PAPPA: variants seen among roughly 807,000 people sequenced by gnomAD.
PAPPA encodes the protein pappalysin-1.
Under a neutral mutation model 164.0 loss-of-function variants are expected in PAPPA, and 60 were observed. The ratio of observed to expected loss-of-function variants is 0.37; its 90% confidence interval spans 0.30 to 0.45. The LOEUF is 0.45. Among genes scored for constraint, PAPPA ranks in the 20% least tolerant of loss-of-function variants. The pLI, the probability that PAPPA is intolerant of heterozygous loss-of-function variation, is 1.00. For synonymous variants in PAPPA, 875 were observed against 814.1 expected (o/e 1.07, Z -1.27); for missense variants, 1,782 against 2,087.3 (o/e 0.85, Z 2.85).
rs1307658246 is a variant in PAPPA, at chr9:116,343,209, A to G, written c.3612-1334A>G. ...GCTCATGTATATAAGCAATCAGCAAATAGTAACTAATGTTATTGAGTGCTT... is the reference window on the plus strand; with the variant it reads ...GCTCATGTATATAAGCAATCAGCAAGTAGTAACTAATGTTATTGAGTGCTT... On this transcript the variant is annotated intron_variant, in intron 13 of 21. Coordinates refer to ENST00000328252, the MANE Select transcript of PAPPA (RefSeq NM_002581.5). 2.6e-5 allele frequency among the ~76,000 whole-genome samples: 4 copies of G among 152,332 alleles called. No individual in the cohort carries two copies. In the East Asian group the frequency reaches 7.7e-4, roughly 29 times the overall value.
chr9:116,282,425 T>A (rs1265989595), intron 9 of PAPPA, among the ~76,000 whole-genome samples: 3 of 152,190 alleles, frequency 2.0e-5, no homozygotes, highest in African/African-American at 7.2e-5. Flanking sequence ...ATTTCCACCC[T>A]TTTTCCATCT....
chr9:116,299,744 T>G (rs1267622480), intron 9 of PAPPA, among the ~76,000 whole-genome samples: 2 of 152,194 alleles, frequency 1.3e-5, no homozygotes, highest in South Asian at 2.1e-4. Flanking sequence ...CACCTGTCTC[T>G]GTGACCTGGA....
intron 17 of PAPPA, among the ~76,000 whole-genome samples, chr9:116,356,650 A>G (rs1846358067): frequency 6.6e-6 from 1 of 152,230 alleles, no homozygotes; most frequent in African/African-American, 2.4e-5. Flanking sequence ...AGATTTGTCA[A>G]AGATCAGATG....
intron 1 of PAPPA, among the ~76,000 whole-genome samples, chr9:116,179,696 G>T (rs1314844475): frequency 1.3e-5 from 2 of 152,038 alleles, no homozygotes; most frequent in African/African-American, 4.8e-5. Context: ...CATTTTGGTG[G>T]GTCTCCCCCC....
At chr9:116,209,185 A>G (rs1844276430) in intron 3 of PAPPA, among the ~76,000 whole-genome samples, 1 of 152,158 alleles carries the variant, frequency 6.6e-6, no homozygotes, top group African/African-American at 2.4e-5. Context: ...AGCTTAGGCA[A>G]ACTTGAAGAT....
chr9:116,374,161 G>GATGATGATGGTGGTGATGATGA (rs1846615803), intron 19 of PAPPA, among the ~76,000 whole-genome samples: 1 of 146,156 alleles, frequency 6.8e-6, no homozygotes, highest in Non-Finnish European at 1.5e-5. Context: ...GGTAGTGTTG[G>GATGATGATGGTGGTGATGATGA]TGGTGGTGTT....
At chr9:116,194,662 G>A (rs1049500570) in intron 2 of PAPPA, among the ~76,000 whole-genome samples, 7 of 152,094 alleles carry the variant, frequency 4.6e-5, no homozygotes, top group African/African-American at 7.2e-5. Flanking sequence ...CTATCCTGTG[G>A]CATGTCATGG....
rs370370501 is a variant in PAPPA at position 116,187,559 on chromosome 9, C to T, written c.821C>T (p.Thr274Ile). The change falls in exon 2 of 22, where the codon ACC becomes ATC. Residue 274 changes from threonine to isoleucine, a missense_variant. Physicochemically the swap from Thr to Ile is moderately conservative, Grantham distance 89. This residue lies in a region of PAPPA where 458 missense variants were observed against 430.3 expected (regional missense o/e 1.06). Coordinates refer to ENST00000328252, the MANE Select transcript of PAPPA (RefSeq NM_002581.5). The surrounding 1 kb of genome is among the most constrained non-coding windows in gnomAD (Gnocchi z 4.2). ...CGGGAGATACTGTCTGACATGGAAA[C>T]CCATGGCGCCCACACTGCTCTACCT... ...TQREILSDMETHGAHTALPQL... is the reference protein window; with the variant it reads ...TQREILSDMEIHGAHTALPQL... 3 of 1,614,212 alleles carry T rather than the reference C, an allele frequency of 1.9e-6. No individual in the cohort carries two copies. The highest frequency in any genetic ancestry group is 1.3e-5 in the African/African-American group (1 of 75,064).
At chr9:116,156,336 ATATATATATATG>A (rs1564169060) in intron 1 of PAPPA, among the ~76,000 whole-genome samples, 3 of 75,718 alleles carry the variant, frequency 4.0e-5, no homozygotes, top group African/African-American at 7.2e-5. Flanking sequence ...ATATATGTGT[ATATATATATATG>A]TATATATATA....
At chr9:116,258,940 C>T (rs537025760) in intron 7 of PAPPA, among the ~76,000 whole-genome samples, 1 of 152,092 alleles carries the variant, frequency 6.6e-6, no homozygotes, top group Non-Finnish European at 1.5e-5. Flanking sequence ...TCGAAAGCAG[C>T]CTGGCCAACA....
chr9:116,204,851 A>G (rs1844213290), intron 2 of PAPPA, among the ~76,000 whole-genome samples: 1 of 152,092 alleles, frequency 6.6e-6, no homozygotes, highest in Admixed American at 6.6e-5. Flanking sequence ...TGTTCCTTCT[A>G]AATTTGACCT....
intron 15 of PAPPA, among the ~76,000 whole-genome samples, chr9:116,350,465 C>A (rs139861413): frequency 2.6e-5 from 4 of 152,192 alleles, no homozygotes; most frequent in African/African-American, 9.6e-5. Context: ...GCACTGCTAA[C>A]TTCTATTCAC....
In PAPPA at chr9:116,396,656, A is replaced by C; in HGVS notation, c.*40A>C. ...TTGTCAAAGAATTCCCAACGCCAGGACCCACATCCCTTTGGTATTGATTTC... is the reference window on the plus strand; with the variant it reads ...TTGTCAAAGAATTCCCAACGCCAGGCCCCACATCCCTTTGGTATTGATTTC... On this transcript the variant is annotated 3_prime_UTR_variant, in exon 22 of 22. Transcript: ENST00000328252. 1.3e-6 allele frequency: 1 copy of C among 774,970 alleles called. No homozygotes were observed. The highest frequency in any genetic ancestry group is 2.4e-6 in the Non-Finnish European group (1 of 414,730). 48.0% of individuals were successfully genotyped at this position (774,970 alleles called of 1,614,324 possible).
At position 116,399,795 on chromosome 9, in the gene PAPPA, T is replaced by C. The variant is rs563514016; in HGVS notation, c.*3179T>C. On this transcript the variant is annotated 3_prime_UTR_variant, in exon 22 of 22. Coordinates refer to ENST00000328252, the MANE Select transcript of PAPPA (RefSeq NM_002581.5). ...GTGTTAAGGAAGGGAAAGATTGTCA[T>C]AGATGGTAGGGCTTTGAAAATGCAG... is the stretch of plus-strand genomic sequence containing the variant. The C allele has an allele frequency of 1.3e-5, 2 of 151,428 alleles. No individual in the cohort carries two copies. Among genetic ancestry groups the C allele is most frequent in the African/African-American group, 5.0e-5 (2 of 40,372 alleles). The allele number at this position is 151,428 out of a possible 1,614,324, so 9.4% of individuals were successfully genotyped here.
At chr9:116,352,261 G>A (rs138086913) in intron 15 of PAPPA, among the ~76,000 whole-genome samples, 1 of 152,294 alleles carries the variant, frequency 6.6e-6, no homozygotes, top group African/African-American at 2.4e-5. Flanking sequence ...TGGGCCCAGG[G>A]GGAGAGTGGC....
chr9:116,208,079 G>T (rs942453274), intron 3 of PAPPA, among the ~76,000 whole-genome samples: 1 of 152,180 alleles, frequency 6.6e-6, no homozygotes. Context: ...AGAACTCTGT[G>T]TTCCTCCATG....
chr9:116,379,561 A>G (rs1846700084), intron 20 of PAPPA, among the ~76,000 whole-genome samples: 1 of 151,972 alleles, frequency 6.6e-6, no homozygotes, highest in Admixed American at 6.6e-5. Flanking sequence ...CCATCCATCC[A>G]TCCATCCATC....
At chr9:116,183,406 A>C (rs1376518719) in intron 1 of PAPPA, among the ~76,000 whole-genome samples, 1 of 152,152 alleles carries the variant, frequency 6.6e-6, no homozygotes, top group African/African-American at 2.4e-5. Flanking sequence ...TTTACAGAGA[A>C]GGGAAATTAG....
chr9:116,302,558 A>G (rs1301899473), intron 9 of PAPPA, among the ~76,000 whole-genome samples, 199 bp from the exon 10 acceptor site: 6 of 151,906 alleles, frequency 3.9e-5, no homozygotes, highest in Non-Finnish European at 8.8e-5. Flanking sequence ...CTCCTTGAAC[A>G]TGGTTCATCC....
Sources: allele counts gnomAD v4.1 joint callset (sites outside exome capture counted in the v4.1 genomes callset), GRCh38; gene constraint gnomAD v4.1.1; regional missense constraint gnomAD v4.1.1; non-coding constraint Gnocchi (gnomAD v3.1); transcripts MANE v1.5; gene names NCBI Gene and HGNC (gene_info 2026-07-23, HGNC 2026-07-21).